KCNH1: variants seen among roughly 807,000 people sequenced by gnomAD.
KCNH1 encodes potassium voltage-gated channel subfamily H member 1, also known as voltage-gated delayed rectifier potassium channel KCNH1.
Under a neutral mutation model 69.2 loss-of-function variants are expected in KCNH1, and 27 were observed. The ratio of observed to expected loss-of-function variants is 0.39; its 90% CI spans 0.29 to 0.54. The LOEUF (loss-of-function observed/expected upper bound fraction) is 0.54. Ranked by LOEUF, KCNH1 falls within the 20% of genes least tolerant of loss-of-function variation. The pLI is 0.68. For synonymous variants in KCNH1, 456 were observed against 487.7 expected, an observed-to-expected ratio of 0.93 and a Z score of 0.86; for missense variants, 798 against 1,261.6, an observed-to-expected ratio of 0.63 and a Z score of 5.57.
Position 211,019,141 on chromosome 1 carries a change from A to T in KCNH1, c.674T>A (p.Leu225Ter). 6.2e-7 allele frequency: 1 copy of T among 1,614,030 alleles called. No homozygotes were observed. Among genetic ancestry groups the T allele is most frequent in the Non-Finnish European group, 8.5e-7 (1 of 1,179,938 alleles). ...VFKTTWDWII[L>*]ILTFYTAILV... is the part of the protein sequence containing the mutation. The stretch of plus-strand genomic sequence containing the variant: ...GATGGCTGTATAGAAGGTCAAGATC[A>T]AGATGATCCAATCCCACGTGGTCTT... The change falls in exon 6 of 11, where the codon TTG becomes TAG. Residue 225 changes from leucine (L) to a stop codon, truncating the protein, a stop_gained. Coordinates refer to ENST00000271751, the MANE Select transcript of KCNH1 (RefSeq NM_172362.3). LOFTEE classifies it high-confidence loss of function.
At chr1:210,746,073 G>T (rs1424115323) in intron 10 of KCNH1, among the ~76,000 whole-genome samples, 1 of 152,136 alleles carries the variant, frequency 6.6e-6, no homozygotes, top group African/African-American at 2.4e-5. Context: ...AGCATCCTGG[G>T]ATCTAGTTGA....
chr1:210,731,389 G>T (rs1369507551), intron 10 of KCNH1, among the ~76,000 whole-genome samples: 1 of 152,166 alleles, frequency 6.6e-6, no homozygotes, highest in African/African-American at 2.4e-5. Flanking sequence ...TGGCCTCAGA[G>T]CTTGCACCCT....
intron 10 of KCNH1, among the ~76,000 whole-genome samples, chr1:210,718,579 A>T (rs531044712): frequency 1.2e-4 from 14 of 119,852 alleles, no homozygotes; most frequent in African/African-American, 3.8e-4. Context: ...ATATTTATAT[A>T]TATAAAATAC....
intron 7 of KCNH1, chr1:210,859,424 C>T: frequency 6.2e-7 from 1 of 1,607,562 alleles, no homozygotes; most frequent in East Asian, 2.2e-5. Context: ...TACTCATCAA[C>T]AGGGTTATCT....
At chr1:210,882,362 G>T (rs1686514275) in intron 7 of KCNH1, among the ~76,000 whole-genome samples, 1 of 152,130 alleles carries the variant, frequency 6.6e-6, no homozygotes, top group Admixed American at 6.5e-5. Context: ...GGAGAAAAAA[G>T]TTAAATTCCC....
At chr1:211,011,147 A>C (rs1689384739) in intron 6 of KCNH1, among the ~76,000 whole-genome samples, 1 of 151,816 alleles carries the variant, frequency 6.6e-6, no homozygotes, top group Non-Finnish European at 1.5e-5. Context: ...AACCCCCAAC[A>C]GGCCCTGGTG....
chr1:210,919,109 T>C lies in KCNH1; in HGVS notation c.1462+531A>G, dbSNP rs115544944. On this transcript the variant is annotated intron_variant, in intron 7 of 10. Coordinates refer to ENST00000271751, the MANE Select transcript of KCNH1 (RefSeq NM_172362.3). The surrounding 1 kb of genome is among the most constrained non-coding windows in gnomAD (Gnocchi z 4.2). The stretch of plus-strand genomic sequence containing the variant: ...TGCTGAGAGAGCAGATTTCAAGTGC[T>C]TTCACCAAAAAAAAGGTAATGATGT... The C allele has an allele frequency of 0.011, 1,740 of 153,750 alleles. 38 individuals carry two copies. Among genetic ancestry groups the C allele is most frequent in the African/African-American group, 0.039 (1,638 of 41,568 alleles). 9.5% of individuals were successfully genotyped at this position (153,750 alleles called of 1,614,324 possible). A position where few individuals can be genotyped will look rare whatever the true frequency, so the allele number is the denominator to read the frequency against.
chr1:210,902,234 T>C (rs1687012079), intron 7 of KCNH1, among the ~76,000 whole-genome samples: 1 of 152,096 alleles, frequency 6.6e-6, no homozygotes, highest in Admixed American at 6.5e-5. Context: ...AGCTGAGGAG[T>C]GATTCTCAGG....
chr1:210,779,792 ATAAT>A (rs1460552006), intron 9 of KCNH1, among the ~76,000 whole-genome samples: 3 of 152,178 alleles, frequency 2.0e-5, no homozygotes, highest in African/African-American at 7.2e-5. Context: ...CATCTCAGTA[ATAAT>A]TAATCCTCCT....
chr1:210,703,601 T>C (rs1361393398), intron 10 of KCNH1, among the ~76,000 whole-genome samples: 1 of 152,208 alleles, frequency 6.6e-6, no homozygotes, highest in African/African-American at 2.4e-5. Context: ...TTAACATATA[T>C]TTGCTTGTGT....
At chr1:210,890,764 A>G (rs1686732055) in intron 7 of KCNH1, among the ~76,000 whole-genome samples, 1 of 152,236 alleles carries the variant, frequency 6.6e-6, no homozygotes, top group South Asian at 2.1e-4. Flanking sequence ...GAAGACATTT[A>G]TGCAGGCAAC....
intron 7 of KCNH1, among the ~76,000 whole-genome samples, chr1:210,874,311 G>C (rs2102499061): frequency 6.6e-6 from 1 of 152,326 alleles, no homozygotes; most frequent in African/African-American, 2.4e-5. Flanking sequence ...CACAATGTAA[G>C]AGAATAAATT....
At chr1:210,995,598 AC>A (rs1689017106) in intron 6 of KCNH1, among the ~76,000 whole-genome samples, 1 of 152,154 alleles carries the variant, frequency 6.6e-6, no homozygotes, top group Non-Finnish European at 1.5e-5. Context: ...ATCATATACT[AC>A]CAAATACCCC....
At chr1:210,760,703 C>T (rs913709255) in intron 10 of KCNH1, among the ~76,000 whole-genome samples, 4 of 152,184 alleles carry the variant, frequency 2.6e-5, no homozygotes, top group Non-Finnish European at 4.4e-5. Flanking sequence ...AGACACAAGT[C>T]GCATCTTACA....
At chr1:210,761,060 G>A (rs1027997787) in intron 10 of KCNH1, among the ~76,000 whole-genome samples, 90 of 151,226 alleles carry the variant, frequency 6.0e-4, no homozygotes, top group Non-Finnish European at 1.2e-3. Flanking sequence ...AGACCATCCC[G>A]GCTAAAATGG....
chr1:210,749,884 AG>A, intron 10 of KCNH1, among the ~76,000 whole-genome samples: 1 of 152,132 alleles, frequency 6.6e-6, no homozygotes, highest in Middle Eastern at 3.4e-3. Flanking sequence ...CTGGGACTAC[AG>A]GCACACACCA....
chr1:211,121,764 A>G (rs1691689152), intron 1 of KCNH1, among the ~76,000 whole-genome samples: 1 of 152,200 alleles, frequency 6.6e-6, no homozygotes, highest in African/African-American at 2.4e-5. Flanking sequence ...ATGGGAGAAA[A>G]TTTTTGCAAT....
In KCNH1 at chr1:210,919,252, G is replaced by A. The variant is rs931825542; in HGVS notation, c.1462+388C>T. 6.3e-6 allele frequency: 1 copy of A among 159,862 alleles called. No homozygotes were observed. The highest frequency in any genetic ancestry group is 2.4e-5 in the African/African-American group (1 of 41,650). 9.9% of individuals were successfully genotyped at this position (159,862 alleles called of 1,614,324 possible). On this transcript the variant is annotated intron_variant, in intron 7 of 10. Transcript: ENST00000271751. This position sits in a 1 kb window ranked among gnomAD's most constrained non-coding sequence, Gnocchi z 4.2. The stretch of plus-strand genomic sequence containing the variant: ...AAAAAGAAAAAAATTGACATGAAAA[G>A]ACTTCCATAATTCACTGTTCTATGA...
At chr1:210,920,454 A>C (rs1687436327) in intron 6 of KCNH1, among the ~76,000 whole-genome samples, 1 of 152,168 alleles carries the variant, frequency 6.6e-6, no homozygotes, top group African/African-American at 2.4e-5. Flanking sequence ...GGGTTGCATA[A>C]CATTTATTTC....
Sources: allele counts gnomAD v4.1 joint callset (sites outside exome capture counted in the v4.1 genomes callset), GRCh38; gene constraint gnomAD v4.1.1; non-coding constraint Gnocchi (gnomAD v3.1); transcripts MANE v1.5; gene names NCBI Gene and HGNC (gene_info 2026-07-23, HGNC 2026-07-21).